RMP64: variants seen among roughly 807,000 people sequenced by gnomAD.
The protein encoded by RMP64 is ribonuclease MRP subunit p64.
At chr3:113,014,003 G>A in the RMP64 span, 10 of 1,613,594 alleles carry the variant, frequency 6.2e-6, no homozygotes, top group Non-Finnish European at 7.6e-6. Flanking sequence ...CCAAATTCAT[G>A]TTTTTCAAAC....
chr3:113,012,735 A>G, the RMP64 span: 21 of 1,569,278 alleles, frequency 1.3e-5, no homozygotes, highest in Admixed American at 3.3e-4. Context: ...TGTACATACC[A>G]TAACCTGCTC....
At chr3:113,015,097 G>A in the RMP64 span, 1 of 152,190 alleles carries the variant, frequency 6.6e-6, no homozygotes, top group Non-Finnish European at 1.5e-5. Flanking sequence ...TACTCTTGTT[G>A]CCAGTATCAA....
chr3:113,019,623 G>C, the RMP64 span: 3 of 1,613,630 alleles, frequency 1.9e-6, no homozygotes, highest in Admixed American at 1.7e-5. Flanking sequence ...CACGGCTCCA[G>C]GCCCGGCGGC....
the RMP64 span, among the ~76,000 whole-genome samples, chr3:113,016,476 CG>C: frequency 6.6e-6 from 1 of 151,940 alleles, no homozygotes; most frequent in Non-Finnish European, 1.5e-5. Flanking sequence ...ATTTTGATGA[CG>C]GGGTGATTAT....
the RMP64 span, among the ~76,000 whole-genome samples, chr3:113,006,458 G>C: frequency 1.3e-5 from 2 of 152,158 alleles, no homozygotes; most frequent in African/African-American, 4.8e-5. Context: ...AGGCTAAGAG[G>C]GGTTTATAAA....
chr3:113,016,107 A>G, the RMP64 span, among the ~76,000 whole-genome samples: 1 of 152,072 alleles, frequency 6.6e-6, no homozygotes, highest in Admixed American at 6.5e-5. Flanking sequence ...CTGGAATATA[A>G]TCTATCTGAA....
chr3:113,003,830 G>A, the RMP64 span: 1 of 152,286 alleles, frequency 6.6e-6, no homozygotes, highest in South Asian at 2.1e-4. Context: ...CCACAAGTAG[G>A]AGAAGCAAGA....
chr3:113,019,149 G>A, the RMP64 span: 1 of 224,334 alleles, frequency 4.5e-6, no homozygotes, highest in Non-Finnish European at 8.9e-6. Context: ...CGCTCCTCGG[G>A]TACAGGAAAA....
the RMP64 span, chr3:113,017,505 G>C: frequency 6.2e-7 from 1 of 1,614,128 alleles, no homozygotes; most frequent in Non-Finnish European, 8.5e-7. Context: ...TGCTGTAAAG[G>C]ACTGCACATA....
the RMP64 span, chr3:113,008,374 A>C: frequency 1.2e-6 from 2 of 1,613,470 alleles, no homozygotes; most frequent in African/African-American, 2.7e-5. Context: ...CTTTCTGAGA[A>C]GAATACTTGG....
chr3:113,005,951 CGAA>C, the RMP64 span: 3 of 1,613,686 alleles, frequency 1.9e-6, no homozygotes, highest in East Asian at 2.2e-5. Context: ...ACCTGAGCCA[CGAA>C]GAAGGTGGTT....
chr3:113,016,117 A>G, the RMP64 span, among the ~76,000 whole-genome samples: 1 of 152,088 alleles, frequency 6.6e-6, no homozygotes, highest in Non-Finnish European at 1.5e-5. Flanking sequence ...ATCTATCTGA[A>G]CGCAAGAGAG....
the RMP64 span, chr3:113,011,423 G>C: frequency 2.6e-6 from 4 of 1,539,138 alleles, no homozygotes; most frequent in Non-Finnish European, 2.6e-6. Flanking sequence ...AAAGAAATAG[G>C]AGCTCATTAA....
At chr3:113,013,955 G>A in the RMP64 span, 1 of 1,609,972 alleles carries the variant, frequency 6.2e-7, no homozygotes, top group Non-Finnish European at 8.5e-7. Flanking sequence ...TTACTTACTT[G>A]GAAGAAAACA....
chr3:113,019,287 C>G, the RMP64 span: 3 of 531,712 alleles, frequency 5.6e-6, no homozygotes, highest in Non-Finnish European at 3.3e-6. Flanking sequence ...CAGCGCACGG[C>G]TGAGCCTTGG....
the RMP64 span, chr3:113,014,024 T>C: frequency 3.1e-6 from 5 of 1,610,064 alleles, no homozygotes; most frequent in Non-Finnish European, 4.3e-6. Flanking sequence ...GCTTTAAACA[T>C]TGCTCAACCT....
the RMP64 span, chr3:113,014,237 CA>C: frequency 2.2e-6 from 1 of 460,264 alleles, no homozygotes; most frequent in Non-Finnish European, 3.9e-6. Flanking sequence ...TCCAGCCAAA[CA>C]CATTTTTAAA....
chr3:113,016,611 A>C, the RMP64 span, among the ~76,000 whole-genome samples: 2 of 152,212 alleles, frequency 1.3e-5, no homozygotes, highest in Non-Finnish European at 2.9e-5. Context: ...GGGAAAGACC[A>C]TGGTCCCAGA....
At chr3:113,007,301 A>G in the RMP64 span, among the ~76,000 whole-genome samples, 1 of 152,170 alleles carries the variant, frequency 6.6e-6, no homozygotes, top group Non-Finnish European at 1.5e-5. Context: ...CCCTCACTGT[A>G]TACTTTTTTT....
Sources: gnomAD v4.1 joint callset for allele counts (sites outside exome capture counted in the v4.1 genomes callset) on GRCh38, gnomAD v4.1.1 for gene constraint, MANE v1.5 for transcripts, NCBI Gene and HGNC (gene_info 2026-07-23, HGNC 2026-07-21) for gene names.